Variants in DTNA observed in about 807,000 individuals in gnomAD.
DTNA encodes dystrobrevin alpha.
DTNA carries 43 observed loss-of-function variants against 100.7 expected under a neutral mutation model. The ratio of observed to expected loss-of-function variants is 0.43; its 90% confidence interval spans 0.33 to 0.55. The LOEUF (loss-of-function observed/expected upper bound fraction) is 0.55. Among genes scored for constraint, DTNA ranks in the 20% least tolerant of loss-of-function variants. The pLI, the probability that DTNA is intolerant of heterozygous loss-of-function variation, is 0.04. For missense variants in DTNA, 798 were observed against 953.9 expected, an observed-to-expected ratio of 0.84 and a Z score of 2.15; for synonymous variants, 349 against 347.9, an observed-to-expected ratio of 1.00 and a Z score of -0.04.
intron 11 of DTNA, among the ~76,000 whole-genome samples, chr18:34,831,884 T>C (rs1458086344): frequency 6.6e-6 from 1 of 152,222 alleles, no homozygotes; most frequent in African/African-American, 2.4e-5. Flanking sequence ...TTGTGAGTTA[T>C]TTTTTGGGTT....
intron 11 of DTNA, 93 bp downstream of exon 11, chr18:34,829,582 G>A (rs1251266322): frequency 8.5e-6 from 11 of 1,290,718 alleles, no homozygotes; most frequent in Non-Finnish European, 1.1e-5. Flanking sequence ...TCCTCTCATA[G>A]TACGTCTTAT....
chr18:34,590,662 G>C (rs1297133554), intron 1 of DTNA, among the ~76,000 whole-genome samples: 1 of 152,170 alleles, frequency 6.6e-6, no homozygotes, highest in African/African-American at 2.4e-5. Context: ...TTAACTTCTT[G>C]TTCATGATAA....
intron 1 of DTNA, among the ~76,000 whole-genome samples, chr18:34,663,256 T>C (rs925239783): frequency 6.6e-6 from 1 of 152,138 alleles, no homozygotes; most frequent in Admixed American, 6.6e-5. Context: ...TGGGCTCAAG[T>C]GATCCTCCTA....
At chr18:34,756,421 G>A (rs1469703497) in intron 2 of DTNA, among the ~76,000 whole-genome samples, 4 of 152,114 alleles carry the variant, frequency 2.6e-5, no homozygotes, top group Non-Finnish European at 4.4e-5. Context: ...GCATATTGTA[G>A]GCACTAGATA....
At chr18:34,829,058 G>T in intron 10 of DTNA, 1 of 1,614,078 alleles carries the variant, frequency 6.2e-7, no homozygotes, top group Non-Finnish European at 8.5e-7. Flanking sequence ...GGTGCTTTTG[G>T]TGGATGCGTC....
intron 2 of DTNA, among the ~76,000 whole-genome samples, chr18:34,756,656 A>T (rs1476939387): frequency 6.6e-6 from 1 of 152,218 alleles, no homozygotes; most frequent in Non-Finnish European, 1.5e-5. Flanking sequence ...GGGAAACCAA[A>T]CTAAGTTACT....
chr18:34,868,181 C>T lies in DTNA; in HGVS notation c.1743+4119C>T, dbSNP rs143789015. 3.0e-3 allele frequency: 1,150 copies of T among 389,320 alleles called. 16 individuals are homozygous for T. Among genetic ancestry groups the T allele is most frequent in the African/African-American group, 0.024 (1,081 of 44,596 alleles). The allele number at this position is 389,320 out of a possible 1,614,324, so 24.1% of individuals were successfully genotyped here. A position where few individuals can be genotyped will look rare whatever the true frequency, so the allele number is the denominator to read the frequency against. ...AAAAAAAAAAAAAAAGGAAAATTATCGGTGGTTTTATCAGTACAGAAATAC... is the reference window on the plus strand; with the variant it reads ...AAAAAAAAAAAAAAAGGAAAATTATTGGTGGTTTTATCAGTACAGAAATAC... On this transcript the variant is annotated intron_variant, in intron 17 of 22. Transcript: ENST00000444659.
intron 1 of DTNA, among the ~76,000 whole-genome samples, chr18:34,644,354 T>C (rs2059610481): frequency 6.6e-6 from 1 of 152,172 alleles, no homozygotes; most frequent in African/African-American, 2.4e-5. Context: ...ACTTGTAATG[T>C]TTATGTTTAT....
At chr18:34,769,737 T>TTG (rs1181795860) in intron 3 of DTNA, among the ~76,000 whole-genome samples, 1 of 111,792 alleles carries the variant, frequency 8.9e-6, no homozygotes, top group Non-Finnish European at 2.0e-5. Flanking sequence ...TTTTTTTTTT[T>TTG]TTTGACAGAG....
intron 1 of DTNA, among the ~76,000 whole-genome samples, chr18:34,494,233 A>G (rs2038917571): frequency 6.6e-6 from 1 of 151,768 alleles, no homozygotes; most frequent in Admixed American, 6.6e-5. Context: ...CACGTCGGGG[A>G]ACAGTCTGAG....
intron 16 of DTNA, among the ~76,000 whole-genome samples, chr18:34,859,194 A>G (rs986536699): frequency 6.6e-5 from 10 of 152,328 alleles, no homozygotes; most frequent in Admixed American, 5.9e-4. Flanking sequence ...AGAAGGGACT[A>G]TAGAAGTCAT....
intron 1 of DTNA, among the ~76,000 whole-genome samples, chr18:34,745,346 G>A (rs1455689672): frequency 6.6e-6 from 1 of 152,084 alleles, no homozygotes. Flanking sequence ...AATTTCAGAA[G>A]CCCAGATCAC....
intron 1 of DTNA, among the ~76,000 whole-genome samples, chr18:34,494,965 A>G (rs973961948): frequency 1.3e-5 from 2 of 152,014 alleles, no homozygotes; most frequent in African/African-American, 4.8e-5. Context: ...ACGGTTCTAT[A>G]TGGCTTAGAT....
At chr18:34,833,985 C>T (rs2096074780) in intron 11 of DTNA, among the ~76,000 whole-genome samples, 1 of 152,174 alleles carries the variant, frequency 6.6e-6, no homozygotes, top group Non-Finnish European at 1.5e-5. Context: ...GAAGTAGGTT[C>T]CATTGTACCT....
At chr18:34,827,463 A>T in intron 9 of DTNA, 130 bp from the exon 10 acceptor site, 2 of 826,268 alleles carry the variant, frequency 2.4e-6, no homozygotes, top group Non-Finnish European at 4.2e-6. Context: ...AAAATATAAG[A>T]TTTCTTGTTG....
At chr18:34,765,784 C>A in intron 2 of DTNA, 177 bp from the exon 3 acceptor site, 1 of 593,122 alleles carries the variant, frequency 1.7e-6, no homozygotes, top group South Asian at 2.2e-5. Flanking sequence ...TTCCCTAGAA[C>A]CTGAGGAACT....
chr18:34,634,567 A>C (rs2148194767), intron 1 of DTNA, among the ~76,000 whole-genome samples: 1 of 152,286 alleles, frequency 6.6e-6, no homozygotes, highest in South Asian at 2.1e-4. Context: ...TTTTGGTTGA[A>C]GTATGTGAAG....
intron 1 of DTNA, among the ~76,000 whole-genome samples, chr18:34,521,384 T>A: frequency 6.6e-6 from 1 of 152,176 alleles, no homozygotes; most frequent in East Asian, 1.9e-4. Flanking sequence ...CCCCTGCTCC[T>A]CCTTCGGCTT....
At chr18:34,605,115 G>C (rs1412706130) in intron 1 of DTNA, among the ~76,000 whole-genome samples, 1 of 140,144 alleles carries the variant, frequency 7.1e-6, no homozygotes, top group Non-Finnish European at 1.6e-5. Flanking sequence ...TAGAAAACCA[G>C]CAAAAAAAAA....
Sources: allele counts gnomAD v4.1 joint callset (sites outside exome capture counted in the v4.1 genomes callset), GRCh38; gene constraint gnomAD v4.1.1; transcripts MANE v1.5; gene names NCBI Gene and HGNC (gene_info 2026-07-23, HGNC 2026-07-21).